Variants in UTRN observed in about 807,000 individuals in gnomAD.
UTRN encodes dystrophin-related protein 1.
A neutral mutation model predicts 463.9 loss-of-function variants in UTRN; 283 were observed. That is an observed-to-expected ratio of 0.61 (90% CI 0.55 to 0.67). The LOEUF (loss-of-function observed/expected upper bound fraction) is 0.67. Among genes scored for constraint, UTRN ranks in the 30% least tolerant of loss-of-function variants. UTRN has a pLI of 0.00. For missense variants in UTRN, 3,922 were observed against 4,084.3 expected (o/e 0.96, Z 1.08); for synonymous variants, 1,442 against 1,431.5 (o/e 1.01, Z -0.17).
intron 51 of UTRN, among the ~76,000 whole-genome samples, chr6:144,674,723 A>AT (rs931267159): frequency 2.0e-5 from 3 of 151,876 alleles, no homozygotes; most frequent in African/African-American, 4.8e-5. Flanking sequence ...TTTCCAGCTA[A>AT]TTTTTTTGTA....
chr6:144,488,624 A>C, intron 29 of UTRN, 49 bp from the exon 30 acceptor site: 1 of 1,586,824 alleles, frequency 6.3e-7, no homozygotes, highest in Non-Finnish European at 8.6e-7. Flanking sequence ...ATATTCTGCT[A>C]TTTATATTTG....
intron 73 of UTRN, among the ~76,000 whole-genome samples, chr6:144,842,603 AAATAAATG>A (rs1781683427): frequency 6.6e-6 from 1 of 152,218 alleles, no homozygotes; most frequent in African/African-American, 2.4e-5. Flanking sequence ...AACAACAACA[AAATAAATG>A]AATAAATAAA....
chr6:144,338,706 CAGG>C (rs1424091079), intron 2 of UTRN, among the ~76,000 whole-genome samples: 1 of 152,100 alleles, frequency 6.6e-6, no homozygotes, highest in Admixed American at 6.5e-5. Context: ...GTGGCTCTGC[CAGG>C]AGACCAGGTA....
chr6:144,447,046 C>CT (rs1174319811), intron 14 of UTRN, among the ~76,000 whole-genome samples, 165 bp from the exon 15 acceptor site: 1 of 152,182 alleles, frequency 6.6e-6, no homozygotes, highest in East Asian at 1.9e-4. Flanking sequence ...AGAAAGGTAT[C>CT]TTTCTGGGTC....
At chr6:144,550,930 A>C in intron 47 of UTRN, 35 bp from the exon 48 acceptor site, 1 of 1,545,774 alleles carries the variant, frequency 6.5e-7, no homozygotes, top group Non-Finnish European at 8.7e-7. Context: ...CATATGGCTT[A>C]TTAACCTATC....
At chr6:144,450,475 G>A (rs1310061292) in intron 17 of UTRN, among the ~76,000 whole-genome samples, 1 of 152,112 alleles carries the variant, frequency 6.6e-6, no homozygotes, top group Non-Finnish European at 1.5e-5. Context: ...TCTCCTTTAG[G>A]AAGCCATCCA....
chr6:144,850,641 A>AT (rs2128767490), intron 74 of UTRN, among the ~76,000 whole-genome samples: 1 of 152,230 alleles, frequency 6.6e-6, no homozygotes. Context: ...CCCTCTACAG[A>AT]TGACCTCCCA....
chr6:144,531,833 T>G (rs1257782633), intron 42 of UTRN, among the ~76,000 whole-genome samples: 1 of 152,192 alleles, frequency 6.6e-6, no homozygotes, highest in Non-Finnish European at 1.5e-5. Context: ...ATTCATTTGT[T>G]TTTCTTATAA....
chr6:144,819,911 C>CCTCCTCCTCCTCCT (rs11397588), intron 65 of UTRN, among the ~76,000 whole-genome samples: 7 of 118,622 alleles, frequency 5.9e-5, no homozygotes, highest in East Asian at 6.4e-4. Flanking sequence ...TCCTCCTCCT[C>CCTCCTCCTCCTCCT]CTCTCTCTCT....
chr6:144,362,046 A>C (rs946608475), intron 2 of UTRN, among the ~76,000 whole-genome samples: 5 of 152,216 alleles, frequency 3.3e-5, no homozygotes, highest in Non-Finnish European at 5.9e-5. Flanking sequence ...ACAACAACAA[A>C]AAAAGGAGTA....
At chr6:144,587,341 C>T (rs144187835) in intron 51 of UTRN, among the ~76,000 whole-genome samples, 1 of 152,148 alleles carries the variant, frequency 6.6e-6, no homozygotes, top group Non-Finnish European at 1.5e-5. Flanking sequence ...TGGGAAGTCA[C>T]GATTGACCAG....
chr6:144,510,986 AC>A lies in UTRN; in HGVS notation c.4809del (p.Ile1604SerfsTer11). 6.2e-7 allele frequency: 1 copy of A among 1,607,790 alleles called. No individual in the cohort carries two copies. The highest frequency in any genetic ancestry group is 8.5e-7 in the Non-Finnish European group (1 of 1,176,404). On this transcript the variant is annotated frameshift_variant, in exon 35 of 75. Coordinates refer to ENST00000367545, the MANE Select transcript of UTRN (RefSeq NM_007124.3). LOFTEE classifies it high-confidence loss of function. ...GGAAAAGAGAAAAGCTGATTTAAATACCATCACAGAGAGTAGTGCTGCCCTG... is the reference window on the plus strand; with the variant it reads ...GGAAAAGAGAAAAGCTGATTTAAATACATCACAGAGAGTAGTGCTGCCCTG... The part of the protein sequence containing the change: ...DLEKRKADLN[T>X]ITESSAALQN...
intron 23 of UTRN, 144 bp from the exon 24 acceptor site, chr6:144,473,576 A>G: frequency 3.9e-6 from 2 of 511,012 alleles, no homozygotes; most frequent in Non-Finnish European, 3.4e-6. Context: ...CAAATTTGGA[A>G]GGTTTAGAAA....
chr6:144,504,107 G>A (rs181849479), intron 34 of UTRN, among the ~76,000 whole-genome samples: 72 of 152,324 alleles, frequency 4.7e-4, no homozygotes, highest in Non-Finnish European at 6.9e-4. Context: ...AGACTTTGCT[G>A]AAATTGCTTA....
chr6:144,528,032 A>ATTTTTTTTTTT (rs201546711), intron 41 of UTRN, among the ~76,000 whole-genome samples: 5 of 112,110 alleles, frequency 4.5e-5, no homozygotes, highest in African/African-American at 1.7e-4. Flanking sequence ...AGCTAGTGTG[A>ATTTTTTTTTTT]TTTTTTTTTT....
intron 51 of UTRN, among the ~76,000 whole-genome samples, chr6:144,665,119 A>T (rs1780256442): frequency 6.6e-6 from 1 of 152,184 alleles, no homozygotes; most frequent in Non-Finnish European, 1.5e-5. Context: ...CTCCTTCAGA[A>T]AAAAACATCA....
At chr6:144,469,387 G>C (rs1212141949) in intron 23 of UTRN, among the ~76,000 whole-genome samples, 1 of 152,180 alleles carries the variant, frequency 6.6e-6, no homozygotes, top group Non-Finnish European at 1.5e-5. Context: ...ATTCTTCTAT[G>C]TGGGAGTCTC....
chr6:144,552,715 G>A (rs1423467465), intron 48 of UTRN, among the ~76,000 whole-genome samples: 4 of 151,942 alleles, frequency 2.6e-5, no homozygotes, highest in South Asian at 2.1e-4. Flanking sequence ...TAGTAACCTC[G>A]TTTTAGGGCT....
chr6:144,622,181 G>GTTTTTTTTTTT (rs1290959363), intron 51 of UTRN, among the ~76,000 whole-genome samples: 2 of 73,724 alleles, frequency 2.7e-5, no homozygotes, highest in African/African-American at 9.8e-5. Flanking sequence ...ATTTTTTTTT[G>GTTTTTTTTTTT]TTGTTTTTTT....
Sources: gnomAD v4.1 joint callset for allele counts (sites outside exome capture counted in the v4.1 genomes callset) on GRCh38, gnomAD v4.1.1 for gene constraint, MANE v1.5 for transcripts, NCBI Gene and HGNC (gene_info 2026-07-23, HGNC 2026-07-21) for gene names.